Variants in GAB2 observed in about 807,000 individuals in gnomAD.
GAB2 encodes the protein GRB2 associated binding protein 2.
A neutral mutation model predicts 65.5 loss-of-function variants in GAB2; 26 were observed. The observed-to-expected ratio is 0.40, with a 90% CI of 0.29 to 0.55. The LOEUF (loss-of-function observed/expected upper bound fraction) is 0.55, where lower values mean the gene tolerates loss of function less well. GAB2 is among the 20% of genes least tolerant of loss of function. The pLI is 0.53. For synonymous variants in GAB2, 321 were observed against 329.6 expected (o/e 0.97, Z 0.28); for missense variants, 884 against 875.8 (o/e 1.01, Z -0.12).
chr11:78,222,162 G>A lies in GAB2; in HGVS notation c.1601C>T (p.Thr534Ile). 1.2e-6 allele frequency: 2 copies of A among 1,614,004 alleles called. No homozygotes were observed. Among genetic ancestry groups the A allele is most frequent in the Non-Finnish European group, 1.7e-6 (2 of 1,179,832 alleles). ...CTTGAAGGGGAGTTCATCGATGACGGTGTTGTTCCTCAGGTCAAGTGGTGT... is the reference window on the plus strand; with the variant it reads ...CTTGAAGGGGAGTTCATCGATGACGATGTTGTTCCTCAGGTCAAGTGGTGT... Reference protein sequence around the residue: ...KPTPLDLRNNTVIDELPFKSP... With the variant: ...KPTPLDLRNNIVIDELPFKSP... Residue 534 changes from threonine (T) to isoleucine (I), a missense_variant, in exon 7 of 10, where the codon ACC becomes ATC. By Grantham distance (89) the Thr-to-Ile change is moderately conservative. Coordinates refer to ENST00000361507, the MANE Select transcript of GAB2 (RefSeq NM_080491.3).
chr11:78,252,872 T>G (rs1865493690), intron 2 of GAB2, among the ~76,000 whole-genome samples: 1 of 152,038 alleles, frequency 6.6e-6, no homozygotes, highest in Non-Finnish European at 1.5e-5. Context: ...CACCAGCCAA[T>G]AAGTTCTCCA....
chr11:78,250,938 C>G (rs899103776), intron 2 of GAB2, among the ~76,000 whole-genome samples: 5 of 152,156 alleles, frequency 3.3e-5, no homozygotes, highest in African/African-American at 1.2e-4. Flanking sequence ...ACAGTAGACA[C>G]TGGGGATTAT....
At position 78,226,619 on chromosome 11, in the gene GAB2, G is replaced by GGGGGGGGGGGGGGGGGGGCC; in HGVS notation, c.1052_1053insGGCCCCCCCCCCCCCCCCCC (p.Pro352AlafsTer82). ...GACTTGGCTTGGGGGGGCGGGGTGG[G>GGGGGGGGGGGGGGGGGGGCC]GGAGCTATGGCTGAGTCCCCAGGAG... On this transcript the variant is annotated frameshift_variant, in exon 4 of 10. Coordinates refer to ENST00000361507, the MANE Select transcript of GAB2 (RefSeq NM_080491.3). LOFTEE classifies it high-confidence loss of function. 4 of 952,062 alleles carry GGGGGGGGGGGGGGGGGGGCC rather than the reference G, an allele frequency of 4.2e-6. No homozygotes were observed. Among genetic ancestry groups the GGGGGGGGGGGGGGGGGGGCC allele is most frequent in the Middle Eastern group, 2.3e-4 (1 of 4,340 alleles). The allele number at this position is 952,062 out of a possible 1,614,324, so 59.0% of individuals were successfully genotyped here.
rs1272255776 is a variant in GAB2, at chr11:78,223,522, A to C, written c.1457T>G (p.Phe486Cys). 6.2e-7 allele frequency: 1 copy of C among 1,613,090 alleles called. No individual in the cohort carries two copies. Among genetic ancestry groups the C allele is most frequent in the Non-Finnish European group, 8.5e-7 (1 of 1,179,562 alleles). The change falls in exon 6 of 10, where the codon TTT becomes TGT. Residue 486 changes from phenylalanine to cysteine, a missense_variant. Physicochemically the swap from Phe to Cys is radical, Grantham distance 205. Coordinates refer to ENST00000361507, the MANE Select transcript of GAB2 (RefSeq NM_080491.3). ...TGTTGATGGGTAGCCAAGTGAGTCA[A>C]AGTGATGGGCCCCTGGGCTCATTGG... is the stretch of plus-strand genomic sequence containing the variant. ...YIPMSPGAHH[F>C]DSLGYPSTTL... is the part of the protein sequence containing the mutation.
intron 1 of GAB2, among the ~76,000 whole-genome samples, chr11:78,338,887 T>C (rs1224151489): frequency 6.6e-6 from 1 of 152,152 alleles, no homozygotes; most frequent in Admixed American, 6.5e-5. Context: ...TACTGATTCA[T>C]ACATACTGGT....
intron 1 of GAB2, among the ~76,000 whole-genome samples, chr11:78,331,079 G>A (rs1188554662): frequency 6.6e-6 from 1 of 151,998 alleles, no homozygotes; most frequent in African/African-American, 2.4e-5. Flanking sequence ...GGAGGCTGAG[G>A]CGGGACAATT....
At chr11:78,241,132 G>A (rs887838763) in intron 3 of GAB2, among the ~76,000 whole-genome samples, 1 of 152,216 alleles carries the variant, frequency 6.6e-6, no homozygotes, top group African/African-American at 2.4e-5. Context: ...AACAACCTAT[G>A]CTACCACCGC....
chr11:78,324,047 C>T (rs185248366), intron 1 of GAB2, among the ~76,000 whole-genome samples: 11 of 152,138 alleles, frequency 7.2e-5, no homozygotes, highest in Non-Finnish European at 1.5e-5. Flanking sequence ...ATCTGCCCAC[C>T]TTGGCCTCCC....
At position 78,250,374 on chromosome 11, in the gene GAB2, C is replaced by A; in HGVS notation, c.403G>T (p.Gly135Cys). The A allele has an allele frequency of 1.2e-6, 2 of 1,613,008 alleles. No homozygotes were observed. Among genetic ancestry groups the A allele is most frequent in the East Asian group, 2.2e-5 (1 of 44,840 alleles). ...TDSLRNVSSA[G>C]HGPRSSPAEL... ...GCTGGAGAAGAGCGGGGGCCATGAC[C>A]GGCTGAGGAAACATTTCTCAGGGAG... The change falls in exon 3 of 10, where the codon GGT (glycine) becomes TGT (cysteine). Residue 135 changes from glycine (G) to cysteine (C), a missense_variant. Physicochemically the swap from Gly to Cys is radical, Grantham distance 159. Coordinates refer to ENST00000361507, the MANE Select transcript of GAB2 (RefSeq NM_080491.3).
At chr11:78,403,749 A>G (rs1857004355) in intron 1 of GAB2, among the ~76,000 whole-genome samples, 1 of 152,266 alleles carries the variant, frequency 6.6e-6, no homozygotes, top group South Asian at 2.1e-4. Context: ...GATCACATCA[A>G]GCTTAAAAGC....
chr11:78,308,405 G>A (rs1404104476), intron 1 of GAB2, among the ~76,000 whole-genome samples: 4 of 152,158 alleles, frequency 2.6e-5, no homozygotes, highest in African/African-American at 4.8e-5. Context: ...TTATGGGAAA[G>A]GATGTGGGGA....
chr11:78,366,573 A>C (rs1469831181), intron 1 of GAB2, among the ~76,000 whole-genome samples: 1 of 127,550 alleles, frequency 7.8e-6, no homozygotes, highest in Non-Finnish European at 1.7e-5. Flanking sequence ...GCGACAGAGC[A>C]AGACTCCATC....
At chr11:78,322,775 C>T (rs1565159210) in intron 1 of GAB2, among the ~76,000 whole-genome samples, 1 of 148,602 alleles carries the variant, frequency 6.7e-6, no homozygotes, top group Admixed American at 6.7e-5. Flanking sequence ...TCACACCACT[C>T]AGAATGGCTA....
chr11:78,376,790 A>G (rs2057219659), intron 1 of GAB2, among the ~76,000 whole-genome samples: 1 of 152,094 alleles, frequency 6.6e-6, no homozygotes, highest in Non-Finnish European at 1.5e-5. Context: ...ACAAATTACC[A>G]TAGACTAGGT....
intron 1 of GAB2, among the ~76,000 whole-genome samples, chr11:78,301,839 C>T (rs1002027838): frequency 3.3e-5 from 5 of 152,122 alleles, no homozygotes; most frequent in African/African-American, 1.2e-4. Flanking sequence ...GGTATAAAAA[C>T]AGGCACATAG....
At chr11:78,305,156 G>C (rs191276600) in intron 1 of GAB2, among the ~76,000 whole-genome samples, 22 of 152,224 alleles carry the variant, frequency 1.4e-4, no homozygotes, top group African/African-American at 4.6e-4. Context: ...GAAAGAAAGG[G>C]ATTATCATAA....
intron 1 of GAB2, among the ~76,000 whole-genome samples, chr11:78,382,385 T>TA (rs1006502599): frequency 1.4e-5 from 2 of 145,746 alleles, no homozygotes; most frequent in Middle Eastern, 3.5e-3. Context: ...TTATTATTAT[T>TA]TTTTTTTTTT....
At chr11:78,258,579 A>AT (rs1344422477) in intron 2 of GAB2, among the ~76,000 whole-genome samples, 4 of 149,888 alleles carry the variant, frequency 2.7e-5, no homozygotes, top group South Asian at 2.1e-4. Flanking sequence ...TTGAATTATA[A>AT]TTTTTTTTAA....
intron 3 of GAB2, among the ~76,000 whole-genome samples, chr11:78,238,914 A>T (rs946801611): frequency 5.9e-5 from 9 of 152,164 alleles, no homozygotes; most frequent in African/African-American, 2.2e-4. Context: ...CAACAGCTCA[A>T]CAACAACAAC....
Sources: allele counts gnomAD v4.1 joint callset (sites outside exome capture counted in the v4.1 genomes callset), GRCh38; gene constraint gnomAD v4.1.1; transcripts MANE v1.5; gene names NCBI Gene and HGNC (gene_info 2026-07-23, HGNC 2026-07-21).